TBCK: variants seen among roughly 807,000 people sequenced by gnomAD.
TBCK encodes TBC domain-containing protein kinase-like protein.
In TBCK, 99 loss-of-function variants were observed where a neutral mutation model predicts 113.4. The observed-to-expected ratio is 0.87, with a 90% CI of 0.74 to 1.03. The LOEUF (loss-of-function observed/expected upper bound fraction) is 1.03, where lower values mean the gene tolerates loss of function less well. TBCK is among the 50% of genes least tolerant of loss of function. TBCK has a pLI of 0.00. For missense variants in TBCK, 1,045 were observed against 1,061.3 expected (o/e 0.98, Z 0.21); for synonymous variants, 369 against 370.8 (o/e 1.00, Z 0.05).
chr4:106,269,187 A>T (rs1439642122), intron 3 of TBCK, among the ~76,000 whole-genome samples: 1 of 152,152 alleles, frequency 6.6e-6, no homozygotes, highest in Non-Finnish European at 1.5e-5. Context: ...GTAATTTAAG[A>T]AATGGAGAGG....
At chr4:106,091,507 C>T (rs867821953) in intron 25 of TBCK, among the ~76,000 whole-genome samples, 12 of 152,200 alleles carry the variant, frequency 7.9e-5, no homozygotes, top group Middle Eastern at 3.4e-3. Flanking sequence ...TTCTGATATT[C>T]GGATGTGTTT....
chr4:106,072,781 G>A (rs1034516900), intron 25 of TBCK, among the ~76,000 whole-genome samples: 1 of 152,128 alleles, frequency 6.6e-6, no homozygotes, highest in Non-Finnish European at 1.5e-5. Context: ...ATTTCTTGGA[G>A]GCTTTGTTCG....
At chr4:106,046,830 T>C in intron 25 of TBCK, 150 bp from the exon 26 acceptor site, 1 of 517,666 alleles carries the variant, frequency 1.9e-6, no homozygotes, top group South Asian at 2.9e-5. Flanking sequence ...GTTATTAATA[T>C]AAATTAAATC....
chr4:106,189,362 A>AG (rs1560788722), intron 22 of TBCK, among the ~76,000 whole-genome samples: 2 of 148,100 alleles, frequency 1.4e-5, no homozygotes, highest in Non-Finnish European at 1.5e-5. Flanking sequence ...AAAAAAAAGA[A>AG]AAATAGACAT....
At chr4:106,132,633 T>G (rs1336540721) in intron 23 of TBCK, among the ~76,000 whole-genome samples, 1 of 152,124 alleles carries the variant, frequency 6.6e-6, no homozygotes, top group Non-Finnish European at 1.5e-5. Context: ...CACTGAGAGC[T>G]TGCACTGTGA....
chr4:106,279,540 A>T (rs577374072), intron 3 of TBCK, among the ~76,000 whole-genome samples: 1 of 152,238 alleles, frequency 6.6e-6, no homozygotes, highest in East Asian at 1.9e-4. Flanking sequence ...GCTATTAAAT[A>T]CCAGATCTTA....
intron 24 of TBCK, among the ~76,000 whole-genome samples, chr4:106,104,014 C>G (rs1348669239): frequency 6.6e-6 from 1 of 152,204 alleles, no homozygotes; most frequent in East Asian, 1.9e-4. Context: ...TCCTTGTGAA[C>G]CCACTCCACC....
At chr4:106,223,848 T>A (rs1365510785) in intron 19 of TBCK, among the ~76,000 whole-genome samples, 1 of 152,136 alleles carries the variant, frequency 6.6e-6, no homozygotes, top group Non-Finnish European at 1.5e-5. Context: ...TGTTTTCCAA[T>A]ATGGCTGAAA....
intron 4 of TBCK, among the ~76,000 whole-genome samples, chr4:106,261,088 T>C (rs1036921703): frequency 6.6e-6 from 1 of 152,096 alleles, no homozygotes; most frequent in African/African-American, 2.4e-5. Flanking sequence ...TAATTTTACA[T>C]ATTTTAAGTT....
intron 23 of TBCK, among the ~76,000 whole-genome samples, chr4:106,134,663 A>G (rs549958276): frequency 6.6e-6 from 1 of 152,360 alleles, no homozygotes; most frequent in East Asian, 1.9e-4. Flanking sequence ...CTCCCCTTGC[A>G]AGGCAAATGT....
intron 23 of TBCK, among the ~76,000 whole-genome samples, chr4:106,137,200 T>A (rs1221326011): frequency 7.1e-6 from 1 of 139,994 alleles, no homozygotes; most frequent in Non-Finnish European, 1.6e-5. Context: ...GCAGTTTAGG[T>A]TATGAGAAAG....
At chr4:106,107,952 C>T (rs1420315254) in intron 24 of TBCK, among the ~76,000 whole-genome samples, 1 of 151,998 alleles carries the variant, frequency 6.6e-6, no homozygotes, top group Non-Finnish European at 1.5e-5. Flanking sequence ...TAACCACTGA[C>T]CCCACAGAAA....
intron 3 of TBCK, among the ~76,000 whole-genome samples, chr4:106,290,278 C>T (rs927607636): frequency 8.6e-5 from 13 of 152,028 alleles, no homozygotes; most frequent in South Asian, 2.1e-4. Flanking sequence ...CCCGGGTTCA[C>T]GCCATTCTCC....
chr4:106,041,821 T>C lies in TBCK; in HGVS notation c.*4749A>G, dbSNP rs1733892816. The stretch of plus-strand genomic sequence containing the variant: ...CACTGAATATGCCAAGATCCAAGTT[T>C]AGTTTTCATGTTACAAGCACCTATC... On this transcript the variant is annotated 3_prime_UTR_variant, in exon 26 of 26. Coordinates refer to ENST00000394708, the MANE Select transcript of TBCK (RefSeq NM_001163435.3). 6.6e-6 allele frequency: 1 copy of C among 152,236 alleles called. No homozygotes were observed. The highest frequency in any genetic ancestry group is 2.4e-5 in the African/African-American group (1 of 41,462). The allele number at this position is 152,236 out of a possible 1,614,324, so 9.4% of individuals were successfully genotyped here.
intron 2 of TBCK, among the ~76,000 whole-genome samples, chr4:106,307,824 G>A (rs547299060): frequency 2.2e-4 from 33 of 152,044 alleles, no homozygotes; most frequent in African/African-American, 7.2e-4. Context: ...ATCTTTAAGT[G>A]GAGAATGAAA....
At chr4:106,113,207 G>A (rs897711332) in intron 24 of TBCK, among the ~76,000 whole-genome samples, 5 of 152,060 alleles carry the variant, frequency 3.3e-5, no homozygotes, top group African/African-American at 1.2e-4. Flanking sequence ...CAACAATTTT[G>A]TCACAGTGGA....
chr4:106,247,107 A>T, intron 10 of TBCK, 32 bp downstream of exon 10: 1 of 1,594,942 alleles, frequency 6.3e-7, no homozygotes, highest in African/African-American at 1.4e-5. Flanking sequence ...AACAAGGCTC[A>T]TATTATTCTC....
At chr4:106,212,897 C>T (rs572090191) in intron 19 of TBCK, 62 bp from the exon 20 acceptor site, 6 of 999,564 alleles carry the variant, frequency 6.0e-6, no homozygotes, top group Non-Finnish European at 9.3e-6. Context: ...ACATTATATT[C>T]AAATATAGTT....
chr4:106,194,801 A>G (rs1360336101), intron 20 of TBCK, 47 bp from the exon 21 acceptor site: 10 of 1,476,748 alleles, frequency 6.8e-6, no homozygotes, highest in Non-Finnish European at 7.4e-6. Flanking sequence ...AAGGAAATAA[A>G]AAAGATAATT....
Sources: gnomAD v4.1 joint callset for allele counts (sites outside exome capture counted in the v4.1 genomes callset) on GRCh38, gnomAD v4.1.1 for gene constraint, MANE v1.5 for transcripts, NCBI Gene and HGNC (gene_info 2026-07-23, HGNC 2026-07-21) for gene names.